SIPA1L3: variants seen among roughly 807,000 people sequenced by gnomAD.
SIPA1L3 encodes signal-induced proliferation-associated 1-like protein 3.
Under a neutral mutation model 150.1 loss-of-function variants are expected in SIPA1L3, and 59 were observed. That is an observed-to-expected ratio of 0.39 (90% CI 0.32 to 0.49). SIPA1L3 has a LOEUF of 0.49. Ranked by LOEUF, SIPA1L3 falls within the 20% of genes least tolerant of loss-of-function variation. SIPA1L3 has a pLI of 0.86. For missense variants in SIPA1L3, 2,211 were observed against 2,489.5 expected (o/e 0.89, Z 2.38); for synonymous variants, 1,070 against 1,077.6 (o/e 0.99, Z 0.14).
intron 1 of SIPA1L3, among the ~76,000 whole-genome samples, chr19:38,021,839 C>T (rs1555777916): frequency 6.6e-6 from 1 of 152,218 alleles, no homozygotes; most frequent in Non-Finnish European, 1.5e-5. Flanking sequence ...AGCCACTGCA[C>T]CCCGCGTATG....
In SIPA1L3 at chr19:38,119,447, C is replaced by T. The variant is rs112137003; in HGVS notation, c.2433C>T (p.Asp811=). 392 of 1,614,178 alleles carry T rather than the reference C, an allele frequency of 2.4e-4. 3 individuals are homozygous for T. In the African/African-American group the frequency reaches 4.6e-3, roughly 19 times the overall value. ...INAENAAHKS[D]KFHTMATRTR... is the part of the protein sequence containing the mutation. ...CTGAGAACGCCGCGCACAAGTCCGA[C>T]AAGTTCCACACCATGGCCACCAGGA... is the stretch of plus-strand genomic sequence containing the variant. Residue 811 remains aspartate, a synonymous_variant, in exon 9 of 22, where the codon GAC becomes GAT. Coordinates refer to ENST00000222345, the MANE Select transcript of SIPA1L3 (RefSeq NM_015073.3).
chr19:38,081,142 A>C (rs1969968437), intron 2 of SIPA1L3, 114 bp from the exon 3 acceptor site: 1 of 398,816 alleles, frequency 2.5e-6, no homozygotes, highest in Non-Finnish European at 4.4e-6. Context: ...GCAAATTTCC[A>C]TAATAAAAAG....
intron 2 of SIPA1L3, among the ~76,000 whole-genome samples, chr19:38,063,431 C>T (rs1358093917): frequency 6.6e-6 from 1 of 152,186 alleles, no homozygotes; most frequent in African/African-American, 2.4e-5. Context: ...CGGCCCCCAG[C>T]GGCAGGATGG....
At position 38,206,406 on chromosome 19, in the gene SIPA1L3, G is replaced by A; in HGVS notation, c.*166G>A. Reference sequence around the variant, plus strand: ...GGCCTCACTAGGGCTGTGAGTCAGGGTCAGCGCGCACAGCCCTCATGCCCC... The same window carrying A: ...GGCCTCACTAGGGCTGTGAGTCAGGATCAGCGCGCACAGCCCTCATGCCCC... On this transcript the variant is annotated 3_prime_UTR_variant, in exon 22 of 22. Coordinates refer to ENST00000222345, the MANE Select transcript of SIPA1L3 (RefSeq NM_015073.3). The A allele has an allele frequency of 2.4e-6, 2 of 828,034 alleles. No homozygotes were observed. The highest frequency in any genetic ancestry group is 6.2e-5 in the Admixed American group (2 of 32,094). The allele number at this position is 828,034 out of a possible 1,614,324, so 51.3% of individuals were successfully genotyped here.
At chr19:38,070,637 T>C (rs1969695591) in intron 2 of SIPA1L3, among the ~76,000 whole-genome samples, 1 of 152,234 alleles carries the variant, frequency 6.6e-6, no homozygotes, top group Non-Finnish European at 1.5e-5. Context: ...TAGGGCTTTG[T>C]TGGCTGGAAG....
At chr19:38,141,079 A>T (rs1971568655) in intron 10 of SIPA1L3, 105 bp from the exon 11 acceptor site, 1 of 1,047,710 alleles carries the variant, frequency 9.5e-7, no homozygotes, top group African/African-American at 1.6e-5. Flanking sequence ...AAAAAAAAAA[A>T]AAAGCCATCC....
chr19:38,118,641 C>G (rs1970943607), intron 8 of SIPA1L3, among the ~76,000 whole-genome samples: 1 of 151,866 alleles, frequency 6.6e-6, no homozygotes, highest in African/African-American at 2.4e-5. Context: ...TCACGCCGTT[C>G]TCCTGTCTCA....
intron 1 of SIPA1L3, among the ~76,000 whole-genome samples, chr19:37,910,077 A>C (rs142172510): frequency 6.6e-6 from 1 of 151,982 alleles, no homozygotes; most frequent in African/African-American, 2.4e-5. Context: ...TGCAGTTGTT[A>C]GGTGGTAAAT....
chr19:37,981,454 A>G (rs1167725169), intron 1 of SIPA1L3, among the ~76,000 whole-genome samples: 4 of 150,456 alleles, frequency 2.7e-5, no homozygotes, highest in Middle Eastern at 3.5e-3. Context: ...TTTTGGTTTG[A>G]TCACCTGAGT....
rs1477817260 is a variant in SIPA1L3, at chr19:38,029,105, A to G, written c.-362A>G. On this transcript the variant is annotated 5_prime_UTR_variant, in exon 2 of 22. Transcript: ENST00000222345. ...TCCATGTAGATGCACAGTCTCTGAC[A>G]TCAGCTCTCCTGGGACCCTCCAAGA... 2 of 152,244 alleles carry G rather than the reference A, an allele frequency of 1.3e-5. No homozygotes were observed. Among genetic ancestry groups the G allele is most frequent in the Non-Finnish European group, 2.9e-5 (2 of 68,048 alleles). The allele number at this position is 152,244 out of a possible 1,614,324, so 9.4% of individuals were successfully genotyped here. A position where few individuals can be genotyped will look rare whatever the true frequency, so the allele number is the denominator to read the frequency against.
chr19:38,027,281 C>G (rs1042609796), intron 1 of SIPA1L3, among the ~76,000 whole-genome samples: 3 of 151,952 alleles, frequency 2.0e-5, no homozygotes, highest in Non-Finnish European at 2.9e-5. Context: ...GATCAAGACT[C>G]CATCTCAAAA....
chr19:37,965,555 C>G (rs1037837017), intron 1 of SIPA1L3, among the ~76,000 whole-genome samples: 4 of 152,094 alleles, frequency 2.6e-5, no homozygotes, highest in African/African-American at 9.7e-5. Flanking sequence ...ACCTCATGAT[C>G]TGCCTGCGTC....
chr19:38,144,134 G>A lies in SIPA1L3; in HGVS notation c.3533+1424G>A, dbSNP rs115931030. ...CCCCTCTCCAGAACCCTTCTCTGGA[G>A]CTCCCTCTTGAGGCAAGGCACTGCC... On this transcript the variant is annotated intron_variant, in intron 12 of 21. Coordinates refer to ENST00000222345, the MANE Select transcript of SIPA1L3 (RefSeq NM_015073.3). 8.6e-3 allele frequency among the ~76,000 whole-genome samples: 1,306 copies of A among 152,310 alleles called. 20 individuals carry two copies. The highest frequency in any genetic ancestry group is 0.03 in the African/African-American group (1,233 of 41,560).
intron 20 of SIPA1L3, among the ~76,000 whole-genome samples, chr19:38,202,485 G>C (rs747648973): frequency 3.3e-5 from 5 of 152,246 alleles, no homozygotes; most frequent in Non-Finnish European, 5.9e-5. Context: ...CTACTCGAGA[G>C]GCTGTGGCAG....
At chr19:37,945,277 C>T (rs980488394) in intron 1 of SIPA1L3, among the ~76,000 whole-genome samples, 2 of 152,030 alleles carry the variant, frequency 1.3e-5, no homozygotes, top group African/African-American at 2.4e-5. Flanking sequence ...CTCTGTCATC[C>T]AGGCTGGAGT....
At chr19:38,123,883 C>T (rs1413786972) in intron 9 of SIPA1L3, among the ~76,000 whole-genome samples, 11 of 144,874 alleles carry the variant, frequency 7.6e-5, no homozygotes, top group East Asian at 6.1e-4. Context: ...GGCGGCTGGC[C>T]GGGCAGAGGG....
intron 2 of SIPA1L3, among the ~76,000 whole-genome samples, chr19:38,056,400 C>T (rs1190788616): frequency 6.6e-6 from 1 of 152,200 alleles, no homozygotes; most frequent in African/African-American, 2.4e-5. Context: ...TTTCCTCCAT[C>T]CCCCTCACCC....
rs1440953205 is a variant in SIPA1L3 at position 38,098,807 on chromosome 19, G to A, written c.1666-1155G>A. ...TCTGGGGAATGGGAATGAGATGGCT[G>A]TGATTGGCTTTGACTAAAGGTTTTC... On this transcript the variant is annotated intron_variant, in intron 4 of 21. Transcript: ENST00000222345. Among the ~76,000 whole-genome samples the A allele has an allele frequency of 3.3e-5, 5 of 152,304 alleles. No homozygotes were observed. The East Asian group carries it at 9.6e-4, about 29-fold the overall frequency.
At chr19:38,174,318 GGGATGAATT>G (rs1293291700) in intron 15 of SIPA1L3, among the ~76,000 whole-genome samples, 1 of 152,182 alleles carries the variant, frequency 6.6e-6, no homozygotes, top group Non-Finnish European at 1.5e-5. Flanking sequence ...GCCGCATGCA[GGGATGAATT>G]GGTTCTCCAG....
Sources: gnomAD v4.1 joint callset for allele counts (sites outside exome capture counted in the v4.1 genomes callset) on GRCh38, gnomAD v4.1.1 for gene constraint, MANE v1.5 for transcripts, NCBI Gene and HGNC (gene_info 2026-07-23, HGNC 2026-07-21) for gene names.